METTL25: variants seen among roughly 807,000 people sequenced by gnomAD.
METTL25 encodes the protein methyltransferase like 25, also known as probable methyltransferase-like protein 25.
A neutral mutation model predicts 71.6 loss-of-function variants in METTL25; 64 were observed. That is an observed-to-expected ratio of 0.89 (90% CI 0.73 to 1.10). The LOEUF is 1.10. METTL25 is among the 50% of genes least tolerant of loss of function. The probability of loss-of-function intolerance (pLI) is 0.00; values close to 1 mark genes in which losing one functional copy is unlikely to be tolerated. For synonymous variants in METTL25, 287 were observed against 250.3 expected (o/e 1.15, Z -1.38); for missense variants, 807 against 707.0 (o/e 1.14, Z -1.60).
At chr12:82,462,443 A>G (rs529108063) in intron 9 of METTL25, among the ~76,000 whole-genome samples, 2 of 152,226 alleles carry the variant, frequency 1.3e-5, no homozygotes, top group South Asian at 2.1e-4. Flanking sequence ...CAGCTTCTGC[A>G]TATGTGAGAA....
chr12:82,412,538 A>G (rs1308638561), intron 5 of METTL25, among the ~76,000 whole-genome samples: 1 of 152,132 alleles, frequency 6.6e-6, no homozygotes, highest in African/African-American at 2.4e-5. Flanking sequence ...GGACCCAGTA[A>G]GAGCCAGCTT....
chr12:82,361,046 C>T (rs527322424), intron 1 of METTL25, among the ~76,000 whole-genome samples: 158 of 152,214 alleles, frequency 1.0e-3, no homozygotes, highest in African/African-American at 3.5e-3. Flanking sequence ...ACAGGGTTGT[C>T]GCTGCTGGCG....
intron 6 of METTL25, among the ~76,000 whole-genome samples, chr12:82,432,120 TTAAA>T (rs1354346113): frequency 2.6e-5 from 4 of 151,730 alleles, no homozygotes; most frequent in Non-Finnish European, 4.4e-5. Context: ...ATACAGTTGA[TTAAA>T]TAATATGTTT....
intron 9 of METTL25, among the ~76,000 whole-genome samples, chr12:82,457,268 A>G (rs747525791): frequency 6.6e-6 from 1 of 151,960 alleles, no homozygotes; most frequent in Non-Finnish European, 1.5e-5. Context: ...AATTGATAAC[A>G]TATTACTGAA....
chr12:82,434,233 AT>A (rs1025531878), intron 6 of METTL25, among the ~76,000 whole-genome samples: 6 of 151,170 alleles, frequency 4.0e-5, no homozygotes, highest in East Asian at 1.9e-4. Flanking sequence ...TATAATCTGG[AT>A]TTTTTTTGTT....
intron 1 of METTL25, among the ~76,000 whole-genome samples, chr12:82,372,970 G>A (rs1014891505): frequency 6.6e-6 from 1 of 152,128 alleles, no homozygotes; most frequent in African/African-American, 2.4e-5. Context: ...TTTCCTTCTA[G>A]ACCACAAGGA....
rs527959617 is a variant in METTL25, at chr12:82,383,386, A to T, written c.260-3417A>T. ...TGTACTTAACAACTGTGGCATGCTA[A>T]TGGAATGTGGGAATTAAGACCAAGG... On this transcript the variant is annotated intron_variant, in intron 1 of 11. Coordinates refer to ENST00000248306, the MANE Select transcript of METTL25 (RefSeq NM_032230.3). 5.3e-5 allele frequency among the ~76,000 whole-genome samples: 8 copies of T among 152,116 alleles called. No individual in the cohort carries two copies. In the South Asian group the frequency reaches 1.7e-3, roughly 32 times the overall value.
intron 5 of METTL25, among the ~76,000 whole-genome samples, chr12:82,404,877 C>T (rs1592665008): frequency 6.6e-6 from 1 of 151,254 alleles, no homozygotes; most frequent in Non-Finnish European, 1.5e-5. Context: ...CCAGGAGGCA[C>T]AGGTTGCAGT....
At chr12:82,418,869 T>C (rs1888214960) in intron 5 of METTL25, among the ~76,000 whole-genome samples, 2 of 152,056 alleles carry the variant, frequency 1.3e-5, no homozygotes, top group Admixed American at 6.6e-5. Context: ...CAGTTTTATG[T>C]GGGTATGTGA....
chr12:82,466,235 C>G (rs1892222763), intron 9 of METTL25, among the ~76,000 whole-genome samples: 1 of 151,480 alleles, frequency 6.6e-6, no homozygotes, highest in African/African-American at 2.4e-5. Context: ...TTGCTGTAAA[C>G]TTACCCCTTA....
intron 8 of METTL25, among the ~76,000 whole-genome samples, chr12:82,446,681 GTC>G (rs1890772073): frequency 6.7e-6 from 1 of 150,066 alleles, no homozygotes; most frequent in Non-Finnish European, 1.5e-5. Context: ...CAGTGGTGCA[GTC>G]TCGGCTCACT....
At chr12:82,399,504 C>A in intron 4 of METTL25, 110 bp downstream of exon 4, 1 of 871,748 alleles carries the variant, frequency 1.1e-6, no homozygotes, top group Non-Finnish European at 1.7e-6. Context: ...ATCTAACAGA[C>A]CAAGAAAATG....
chr12:82,427,896 A>G (rs1889164445), intron 5 of METTL25, among the ~76,000 whole-genome samples: 1 of 151,986 alleles, frequency 6.6e-6, no homozygotes, highest in Non-Finnish European at 1.5e-5. Flanking sequence ...GGACCAAAGT[A>G]ACAGTGACTT....
intron 5 of METTL25, among the ~76,000 whole-genome samples, chr12:82,407,517 C>G (rs116273585): frequency 4.4e-4 from 67 of 152,266 alleles, no homozygotes; most frequent in African/African-American, 1.5e-3. Flanking sequence ...TTGATATGAT[C>G]AGGCAAACAA....
At chr12:82,442,168 A>G (rs1395587583) in intron 8 of METTL25, among the ~76,000 whole-genome samples, 2 of 152,044 alleles carry the variant, frequency 1.3e-5, no homozygotes, top group African/African-American at 4.8e-5. Context: ...TAACAAGGTA[A>G]CCCCTATCAG....
chr12:82,420,008 A>G (rs768814673), intron 5 of METTL25, among the ~76,000 whole-genome samples: 2 of 152,206 alleles, frequency 1.3e-5, no homozygotes, highest in African/African-American at 2.4e-5. Flanking sequence ...GTACACACAT[A>G]CAATGGAATA....
At chr12:82,362,230 C>T (rs1429558601) in intron 1 of METTL25, among the ~76,000 whole-genome samples, 1 of 152,094 alleles carries the variant, frequency 6.6e-6, no homozygotes, top group Non-Finnish European at 1.5e-5. Context: ...ATTTAATTCT[C>T]TAAAATAAAA....
chr12:82,401,329 A>T (rs564831660), intron 4 of METTL25, among the ~76,000 whole-genome samples: 1 of 152,278 alleles, frequency 6.6e-6, no homozygotes, highest in South Asian at 2.1e-4. Context: ...ACTTAACGTT[A>T]TTTTGAATTT....
chr12:82,410,557 T>C (rs944612730), intron 5 of METTL25, among the ~76,000 whole-genome samples: 1 of 152,134 alleles, frequency 6.6e-6, no homozygotes, highest in Non-Finnish European at 1.5e-5. Flanking sequence ...TTCCTCCTGC[T>C]ACAGTTCAGC....
Sources: allele counts gnomAD v4.1 joint callset (sites outside exome capture counted in the v4.1 genomes callset), GRCh38; gene constraint gnomAD v4.1.1; transcripts MANE v1.5; gene names NCBI Gene and HGNC (gene_info 2026-07-23, HGNC 2026-07-21).